The following CACNA2D3 variants were observed in gnomAD, a reference collection of about 807,000 sequenced individuals.
The protein encoded by CACNA2D3 is voltage-dependent calcium channel subunit alpha-2/delta-3.
In CACNA2D3, 60 loss-of-function variants were observed where a neutral mutation model predicts 160.6. The observed-to-expected ratio is 0.37, with a 90% CI of 0.30 to 0.46. CACNA2D3 has a LOEUF of 0.46. Among genes scored for constraint, CACNA2D3 ranks in the 20% least tolerant of loss-of-function variants. CACNA2D3 has a pLI of 1.00. For missense variants in CACNA2D3, 1,205 were observed against 1,365.0 expected (o/e 0.88, Z 1.85); for synonymous variants, 558 against 492.9 (o/e 1.13, Z -1.75).
chr3:54,429,219 T>C (rs1699952397), intron 4 of CACNA2D3, among the ~76,000 whole-genome samples: 1 of 152,144 alleles, frequency 6.6e-6, no homozygotes, highest in African/African-American at 2.4e-5. Flanking sequence ...GATAGGATCC[T>C]CAAATTTAAA....
chr3:55,002,209 T>G (rs1296683896), intron 31 of CACNA2D3, among the ~76,000 whole-genome samples: 1 of 151,868 alleles, frequency 6.6e-6, no homozygotes, highest in Admixed American at 6.6e-5. Context: ...GACCAACTTT[T>G]GAAACCATGG....
At chr3:54,284,515 T>A (rs1702960702) in intron 2 of CACNA2D3, among the ~76,000 whole-genome samples, 1 of 152,158 alleles carries the variant, frequency 6.6e-6, no homozygotes, top group Admixed American at 6.5e-5. Flanking sequence ...AGCTTTTCTG[T>A]AAATCTAGAA....
intron 2 of CACNA2D3, among the ~76,000 whole-genome samples, chr3:54,154,779 C>G (rs1190092924): frequency 6.6e-6 from 1 of 152,066 alleles, no homozygotes; most frequent in Non-Finnish European, 1.5e-5. Flanking sequence ...GATCTTGTTG[C>G]AGATGTACGA....
rs1375414677 is a variant in CACNA2D3, at chr3:54,927,126, G to GA, written c.2449+27258_2449+27259insA. On this transcript the variant is annotated intron_variant, in intron 27 of 37. Transcript: ENST00000474759. ...TGAAAGGGGCTTTGTTTGATTGATT[G>GA]TTTGCTTGCTTGCTTGTTTTGGGCC... 2.2e-3 allele frequency among the ~76,000 whole-genome samples: 341 copies of GA among 152,044 alleles called. 1 individual carries two copies. The highest frequency in any genetic ancestry group is 7.7e-3 in the African/African-American group (320 of 41,540).
intron 27 of CACNA2D3, among the ~76,000 whole-genome samples, chr3:54,915,973 T>C (rs1700651881): frequency 6.6e-6 from 1 of 152,230 alleles, no homozygotes. Flanking sequence ...CAGGGTTTTC[T>C]GTGGTGGATC....
intron 11 of CACNA2D3, among the ~76,000 whole-genome samples, chr3:54,751,469 A>C (rs1433180635): frequency 6.7e-6 from 1 of 149,062 alleles, no homozygotes; most frequent in Admixed American, 6.6e-5. Flanking sequence ...TGTTTTTTTT[A>C]ATCTCTTCAT....
At chr3:54,614,625 A>G (rs551799) in intron 9 of CACNA2D3, among the ~76,000 whole-genome samples, 74,563 of 152,040 alleles carry the variant, frequency 0.49, 18,823 homozygotes, top group East Asian at 0.69. Flanking sequence ...GCTCAAGGAA[A>G]ATACAGAGAT....
intron 9 of CACNA2D3, chr3:54,626,321 A>G (rs1339151775): frequency 4.5e-6 from 7 of 1,552,872 alleles, no homozygotes; most frequent in South Asian, 1.2e-5. Flanking sequence ...ATGCCGCTGT[A>G]CAGTGCGCGC....
At chr3:54,252,683 C>T (rs9849863) in intron 2 of CACNA2D3, among the ~76,000 whole-genome samples, 62,294 of 151,706 alleles carry the variant, frequency 0.41, 12,851 homozygotes, top group African/African-American at 0.44. Context: ...AGGGACCAGC[C>T]GTATGATATA....
chr3:54,528,765 G>A (rs1701763176), intron 5 of CACNA2D3, among the ~76,000 whole-genome samples: 1 of 152,152 alleles, frequency 6.6e-6, no homozygotes, highest in African/African-American at 2.4e-5. Context: ...CTGTCCTTGT[G>A]TAATTGCCCC....
chr3:54,278,949 G>A (rs1702808890), intron 2 of CACNA2D3, among the ~76,000 whole-genome samples: 1 of 152,126 alleles, frequency 6.6e-6, no homozygotes, highest in Non-Finnish European at 1.5e-5. Context: ...AAACCTGCAT[G>A]TTCTGCACAT....
chr3:54,569,225 CTT>C (rs1188137312), intron 6 of CACNA2D3, among the ~76,000 whole-genome samples: 29 of 152,330 alleles, frequency 1.9e-4, no homozygotes, highest in Middle Eastern at 3.4e-3. Context: ...GAAATTCAAA[CTT>C]TATTATGCAG....
chr3:54,329,145 C>T lies in CACNA2D3; in HGVS notation c.321+8587C>T, dbSNP rs537546928. ...TGTAGTTAAGTTGACCATCTTTTTA[C>T]ATGTGTATTAGCCATTTCTTCTTCA... On this transcript the variant is annotated intron_variant, in intron 3 of 37. Coordinates refer to ENST00000474759, the MANE Select transcript of CACNA2D3 (RefSeq NM_018398.3). 1.9e-3 allele frequency among the ~76,000 whole-genome samples: 290 copies of T among 152,310 alleles called. 1 individual carries two copies. Among genetic ancestry groups the T allele is most frequent in the African/African-American group, 6.6e-3 (273 of 41,562 alleles).
At chr3:54,839,567 T>C (rs1474637257) in intron 16 of CACNA2D3, among the ~76,000 whole-genome samples, 3 of 152,186 alleles carry the variant, frequency 2.0e-5, no homozygotes, top group African/African-American at 7.2e-5. Context: ...ACTGGCTAGC[T>C]GGTCTCCATT....
At chr3:54,634,870 A>G (rs1008591448) in intron 10 of CACNA2D3, among the ~76,000 whole-genome samples, 1 of 152,120 alleles carries the variant, frequency 6.6e-6, no homozygotes, top group Non-Finnish European at 1.5e-5. Flanking sequence ...ACTTCAGGCC[A>G]TCTGGGCATA....
intron 17 of CACNA2D3, among the ~76,000 whole-genome samples, chr3:54,854,458 G>A (rs2246908): frequency 0.78 from 117,972 of 151,562 alleles, 46,124 homozygotes; most frequent in Admixed American, 0.84. Context: ...AGAACCCACA[G>A]CTCCTGTGAC....
chr3:54,558,643 C>CTGAGTGAGTA (rs1316477556), intron 5 of CACNA2D3, among the ~76,000 whole-genome samples: 1 of 152,130 alleles, frequency 6.6e-6, no homozygotes, highest in Non-Finnish European at 1.5e-5. Flanking sequence ...GTGTTTAGCT[C>CTGAGTGAGTA]CCACTTATAA....
At chr3:54,920,120 G>A (rs1700796733) in intron 27 of CACNA2D3, among the ~76,000 whole-genome samples, 1 of 152,214 alleles carries the variant, frequency 6.6e-6, no homozygotes, top group Admixed American at 6.5e-5. Context: ...GAGATTCTTA[G>A]TACACACAGT....
At chr3:54,684,775 A>G (rs1700419453) in intron 11 of CACNA2D3, among the ~76,000 whole-genome samples, 1 of 152,210 alleles carries the variant, frequency 6.6e-6, no homozygotes, top group African/African-American at 2.4e-5. Context: ...ATCCCATGTT[A>G]AGAAGTTCTC....
Sources: allele counts gnomAD v4.1 joint callset (sites outside exome capture counted in the v4.1 genomes callset), GRCh38; gene constraint gnomAD v4.1.1; transcripts MANE v1.5; gene names NCBI Gene and HGNC (gene_info 2026-07-23, HGNC 2026-07-21).